MRTFB: variants seen among roughly 807,000 people sequenced by gnomAD.
MRTFB encodes myocardin related transcription factor B.
A neutral mutation model predicts 104.2 loss-of-function variants in MRTFB; 29 were observed. The observed-to-expected ratio is 0.28, with a 90% CI of 0.21 to 0.38. MRTFB has a LOEUF of 0.38. Among genes scored for constraint, MRTFB ranks in the 10% least tolerant of loss-of-function variants. MRTFB has a pLI of 1.00. For missense variants in MRTFB, 1,270 were observed against 1,341.6 expected (o/e 0.95, Z 0.83); for synonymous variants, 535 against 519.5 (o/e 1.03, Z -0.41).
intron 2 of MRTFB, among the ~76,000 whole-genome samples, chr16:14,116,270 G>A (rs1334528432): frequency 2.6e-5 from 4 of 151,282 alleles, no homozygotes; most frequent in Non-Finnish European, 5.9e-5. Context: ...CCATCCTCAC[G>A]TCCCTTTTCT....
intron 2 of MRTFB, among the ~76,000 whole-genome samples, chr16:14,111,303 T>C (rs2036254578): frequency 6.6e-6 from 1 of 152,086 alleles, no homozygotes; most frequent in African/African-American, 2.4e-5. Flanking sequence ...GCAGAGATTT[T>C]GAGTCAGAGA....
At chr16:14,193,283 G>GCT (rs2040277044) in intron 3 of MRTFB, among the ~76,000 whole-genome samples, 1 of 150,074 alleles carries the variant, frequency 6.7e-6, no homozygotes, top group South Asian at 2.1e-4. Context: ...TGTGTCACTG[G>GCT]CTCACACCTT....
chr16:14,049,491 G>A, the MRTFB span, among the ~76,000 whole-genome samples: 1 of 152,208 alleles, frequency 6.6e-6, no homozygotes, highest in South Asian at 2.1e-4. Flanking sequence ...GAAAGACTGA[G>A]GAACTGTTCC....
intron 11 of MRTFB, 135 bp downstream of exon 11, chr16:14,245,795 A>AAGGTATTT: frequency 1.9e-6 from 2 of 1,038,066 alleles, no homozygotes; most frequent in Non-Finnish European, 2.7e-6. Flanking sequence ...ATCTTTATAA[A>AAGGTATTT]AGGTATTTTC....
chr16:14,257,576 C>T (rs4780558), intron 15 of MRTFB, among the ~76,000 whole-genome samples: 3,656 of 150,744 alleles, frequency 0.024, 63 homozygotes, highest in Middle Eastern at 0.083. Context: ...CCGGGGGTTG[C>T]CTACGGATGA....
intron 2 of MRTFB, among the ~76,000 whole-genome samples, chr16:14,080,167 T>A (rs948653324): frequency 6.6e-6 from 1 of 152,194 alleles, no homozygotes; most frequent in Admixed American, 6.5e-5. Flanking sequence ...TTTCTCTTCT[T>A]AGATGTGTAA....
chr16:14,008,197 C>A, the MRTFB span, among the ~76,000 whole-genome samples: 2 of 152,004 alleles, frequency 1.3e-5, no homozygotes, highest in Non-Finnish European at 2.9e-5. Flanking sequence ...AAGACCCCAT[C>A]TCTTAAAAAA....
chr16:14,001,619 C>T, the MRTFB span, among the ~76,000 whole-genome samples: 1 of 152,264 alleles, frequency 6.6e-6, no homozygotes, highest in Admixed American at 6.5e-5. Flanking sequence ...GCCACCCACT[C>T]TCCTCAGCCT....
chr16:14,071,908 T>A (rs903795804), intron 1 of MRTFB, among the ~76,000 whole-genome samples: 2 of 152,052 alleles, frequency 1.3e-5, no homozygotes, highest in African/African-American at 4.8e-5. Context: ...TGCAGCTTGG[T>A]ATATGGGTTT....
chr16:14,078,165 T>A (rs1408235379), intron 1 of MRTFB, among the ~76,000 whole-genome samples: 1 of 152,162 alleles, frequency 6.6e-6, no homozygotes, highest in Non-Finnish European at 1.5e-5. Flanking sequence ...AGTATCTGTC[T>A]CTGCATGTAG....
At chr16:14,145,138 A>T (rs932623115) in intron 3 of MRTFB, among the ~76,000 whole-genome samples, 2 of 151,602 alleles carry the variant, frequency 1.3e-5, no homozygotes, top group East Asian at 3.9e-4. Flanking sequence ...TAACATTCTT[A>T]CTTTAATGAT....
chr16:14,236,588 C>T (rs908764391), intron 9 of MRTFB, among the ~76,000 whole-genome samples: 2 of 151,992 alleles, frequency 1.3e-5, no homozygotes, highest in Admixed American at 6.6e-5. Flanking sequence ...TCTGGGGATA[C>T]GCAGATGACA....
chr16:14,044,554 G>T, the MRTFB span, among the ~76,000 whole-genome samples: 1 of 152,196 alleles, frequency 6.6e-6, no homozygotes, highest in Non-Finnish European at 1.5e-5. Context: ...GGAATTCTGT[G>T]TACCAGGACT....
intron 9 of MRTFB, among the ~76,000 whole-genome samples, chr16:14,239,968 G>A (rs1337071918): frequency 6.6e-6 from 1 of 152,192 alleles, no homozygotes; most frequent in East Asian, 1.9e-4. Context: ...GAGACCCAAG[G>A]TCAGCGTGCA....
intron 3 of MRTFB, among the ~76,000 whole-genome samples, chr16:14,183,698 G>A (rs1271538543): frequency 6.6e-6 from 1 of 152,062 alleles, no homozygotes; most frequent in Non-Finnish European, 1.5e-5. Flanking sequence ...GATTCTGGGG[G>A]AAATGCTCTG....
intron 14 of MRTFB, 47 bp from the exon 15 acceptor site, chr16:14,252,318 G>A (rs763137736): frequency 2.3e-5 from 37 of 1,590,370 alleles, no homozygotes; most frequent in Non-Finnish European, 3.2e-5. Flanking sequence ...GGAAAAGAGA[G>A]GTTTATTGCC....
chr16:14,046,523 T>C, the MRTFB span, among the ~76,000 whole-genome samples: 1 of 152,082 alleles, frequency 6.6e-6, no homozygotes, highest in African/African-American at 2.4e-5. Context: ...CAAAACCTCA[T>C]ATTGGGTTTC....
chr16:14,015,145 G>GT, the MRTFB span, among the ~76,000 whole-genome samples: 100 of 152,292 alleles, frequency 6.6e-4, no homozygotes, highest in South Asian at 4.6e-3. Context: ...AAATGTAAGT[G>GT]TAAGTGTATT....
the MRTFB span, among the ~76,000 whole-genome samples, chr16:13,998,752 G>C: frequency 6.6e-6 from 1 of 151,060 alleles, no homozygotes; most frequent in African/African-American, 2.4e-5. Context: ...CAAGGAGAAG[G>C]AAGAAAAATG....
Sources: allele counts gnomAD v4.1 joint callset (sites outside exome capture counted in the v4.1 genomes callset), GRCh38; gene constraint gnomAD v4.1.1; transcripts MANE v1.5; gene names NCBI Gene and HGNC (gene_info 2026-07-23, HGNC 2026-07-21).